ERBB4: variants seen among roughly 807,000 people sequenced by gnomAD.
ERBB4 encodes the protein receptor tyrosine-protein kinase erbB-4.
Under a neutral mutation model 158.0 loss-of-function variants are expected in ERBB4, and 42 were observed. That is an observed-to-expected ratio of 0.27 (90% CI 0.21 to 0.34). ERBB4 has a LOEUF of 0.34. Among genes scored for constraint, ERBB4 ranks in the 10% least tolerant of loss-of-function variants. The pLI is 1.00. For missense variants in ERBB4, 1,333 were observed against 1,624.1 expected (o/e 0.82, Z 3.08); for synonymous variants, 583 against 558.7 (o/e 1.04, Z -0.61).
intron 1 of ERBB4, among the ~76,000 whole-genome samples, chr2:212,297,535 A>C (rs1483512373): frequency 6.6e-6 from 1 of 151,934 alleles, no homozygotes; most frequent in Non-Finnish European, 1.5e-5. Flanking sequence ...TAAAGGGATA[A>C]TATATCTAAA....
chr2:211,773,628 ATAT>A lies in ERBB4; in HGVS notation c.556+14394_556+14396del, dbSNP rs1459146262. Among the ~76,000 whole-genome samples the A allele has an allele frequency of 3.4e-3, 178 of 52,046 alleles. 4 individuals carry two copies. Among genetic ancestry groups the A allele is most frequent in the African/African-American group, 0.014 (142 of 9,962 alleles). 34.1% of individuals were successfully genotyped at this position (52,046 alleles called of 152,430 possible). A position where few individuals can be genotyped will look rare whatever the true frequency, so the allele number is the denominator to read the frequency against. On this transcript the variant is annotated intron_variant, in intron 4 of 27. Transcript: ENST00000342788. ...TATATATATATATATATATATATAT[ATAT>A]ATATATATATATATATAATATATAT...
intron 2 of ERBB4, among the ~76,000 whole-genome samples, chr2:212,003,719 C>G (rs1249122855): frequency 6.6e-6 from 1 of 152,108 alleles, no homozygotes; most frequent in Non-Finnish European, 1.5e-5. Flanking sequence ...ATGATACTAG[C>G]GTATTAATCG....
chr2:211,877,862 C>G (rs1360338206), intron 3 of ERBB4, among the ~76,000 whole-genome samples: 1 of 152,174 alleles, frequency 6.6e-6, no homozygotes, highest in East Asian at 1.9e-4. Context: ...AATCCCAGCA[C>G]TTTGGGAGGC....
intron 20 of ERBB4, among the ~76,000 whole-genome samples, chr2:211,442,409 T>TCCAA (rs1318044855): frequency 6.9e-6 from 1 of 144,548 alleles, no homozygotes; most frequent in African/African-American, 2.5e-5. Context: ...CATCCATCCA[T>TCCAA]CCATCCAACC....
intron 2 of ERBB4, among the ~76,000 whole-genome samples, chr2:212,094,448 T>C (rs1361373968): frequency 6.6e-6 from 1 of 151,280 alleles, no homozygotes; most frequent in African/African-American, 2.4e-5. Context: ...GATTGTGTCA[T>C]AATAAAATAC....
At chr2:212,283,060 T>A (rs1224745022) in intron 1 of ERBB4, among the ~76,000 whole-genome samples, 1 of 151,836 alleles carries the variant, frequency 6.6e-6, no homozygotes, top group Non-Finnish European at 1.5e-5. Flanking sequence ...AATTCTAATC[T>A]TACTGATCAT....
At position 212,226,989 on chromosome 2, in the gene ERBB4, T is replaced by A. The variant is rs745479658; in HGVS notation, c.83-102086A>T. On this transcript the variant is annotated intron_variant, in intron 1 of 27. Transcript: ENST00000342788. ...GCCCGGGTGCAATGGCTCACGCCTG[T>A]AATCCTAGCACTCTAGAAGGCCGAG... Among the ~76,000 whole-genome samples the A allele has an allele frequency of 5.4e-4, 82 of 152,292 alleles. No individual in the cohort carries two copies. In the Middle Eastern group the frequency reaches 0.017, roughly 32 times the overall value.
intron 1 of ERBB4, among the ~76,000 whole-genome samples, chr2:212,330,650 T>C (rs2088092552): frequency 6.6e-6 from 1 of 151,810 alleles, no homozygotes. Context: ...TTAGAGTTGT[T>C]CTGGTTGATC....
chr2:211,473,457 A>G (rs576890088), intron 20 of ERBB4, among the ~76,000 whole-genome samples: 4 of 152,250 alleles, frequency 2.6e-5, no homozygotes, highest in African/African-American at 9.6e-5. Flanking sequence ...AAATTAGAAC[A>G]CAGGAAAATA....
intron 19 of ERBB4, among the ~76,000 whole-genome samples, chr2:211,575,850 C>A (rs1331929474): frequency 6.6e-6 from 1 of 152,140 alleles, no homozygotes; most frequent in African/African-American, 2.4e-5. Flanking sequence ...CTTATAGCTT[C>A]ATGCTTATGT....
intron 1 of ERBB4, among the ~76,000 whole-genome samples, chr2:212,282,580 G>A (rs2085799727): frequency 6.6e-6 from 1 of 151,758 alleles, no homozygotes; most frequent in African/African-American, 2.4e-5. Flanking sequence ...TAATATACTT[G>A]TTATTTACTA....
At chr2:211,422,162 T>C (rs1293757672) in intron 23 of ERBB4, 58 bp from the exon 24 acceptor site, 1 of 1,155,876 alleles carries the variant, frequency 8.7e-7, no homozygotes, top group Non-Finnish European at 1.3e-6. Context: ...GAGTTGAAAT[T>C]TAAATTTTGT....
chr2:211,814,048 C>A (rs2076823025), intron 3 of ERBB4, among the ~76,000 whole-genome samples: 1 of 152,020 alleles, frequency 6.6e-6, no homozygotes, highest in South Asian at 2.1e-4. Flanking sequence ...CCATTATAAA[C>A]ATGTTACTAA....
At position 212,208,301 on chromosome 2, in the gene ERBB4, C is replaced by T. The variant is rs114480039; in HGVS notation, c.83-83398G>A. On this transcript the variant is annotated intron_variant, in intron 1 of 27. Coordinates refer to ENST00000342788, the MANE Select transcript of ERBB4 (RefSeq NM_005235.3). ...GGTTTTTACTAACAAGTCACTTTCCCAATGAAGCTTTCCACATGCCCATAA... is the reference window on the plus strand; with the variant it reads ...GGTTTTTACTAACAAGTCACTTTCCTAATGAAGCTTTCCACATGCCCATAA... 5.0e-3 allele frequency among the ~76,000 whole-genome samples: 755 copies of T among 152,242 alleles called. 3 individuals carry two copies. The highest frequency in any genetic ancestry group is 0.017 in the African/African-American group (693 of 41,542).
At chr2:211,785,390 C>T (rs1206933749) in intron 4 of ERBB4, among the ~76,000 whole-genome samples, 2 of 152,134 alleles carry the variant, frequency 1.3e-5, no homozygotes, top group African/African-American at 4.8e-5. Flanking sequence ...CGTGAGCCAC[C>T]GCCCCCAGCC....
At chr2:212,018,635 T>G (rs2076579058) in intron 2 of ERBB4, among the ~76,000 whole-genome samples, 1 of 152,190 alleles carries the variant, frequency 6.6e-6, no homozygotes, top group Non-Finnish European at 1.5e-5. Flanking sequence ...TTACTCAGTG[T>G]AACTTGCAGA....
intron 1 of ERBB4, among the ~76,000 whole-genome samples, chr2:212,470,936 T>C (rs747002473): frequency 6.6e-6 from 1 of 152,096 alleles, no homozygotes; most frequent in Non-Finnish European, 1.5e-5. Context: ...AATAGTGTAA[T>C]AGATCAAACT....
intron 16 of ERBB4, among the ~76,000 whole-genome samples, chr2:211,645,203 G>A (rs967188859): frequency 6.6e-6 from 1 of 151,722 alleles, no homozygotes. Flanking sequence ...TAAAATTCAT[G>A]CCAGTTATCC....
At chr2:212,458,054 C>T (rs1003852171) in intron 1 of ERBB4, among the ~76,000 whole-genome samples, 2 of 151,990 alleles carry the variant, frequency 1.3e-5, no homozygotes, top group African/African-American at 4.8e-5. Flanking sequence ...AGCTAGTGTT[C>T]TGCCTGTCTT....
Sources: allele counts gnomAD v4.1 joint callset (sites outside exome capture counted in the v4.1 genomes callset), GRCh38; gene constraint gnomAD v4.1.1; transcripts MANE v1.5; gene names NCBI Gene and HGNC (gene_info 2026-07-23, HGNC 2026-07-21).